The following CACNG4 variants were observed in gnomAD, a reference collection of about 807,000 sequenced individuals.
CACNG4 encodes calcium voltage-gated channel auxiliary subunit gamma 4, also known as voltage-dependent calcium channel gamma-4 subunit.
In CACNG4, 8 loss-of-function variants were observed where a neutral mutation model predicts 22.9. That is an observed-to-expected ratio of 0.35 (90% confidence interval 0.21 to 0.63). CACNG4 has a LOEUF of 0.63. Among genes scored for constraint, CACNG4 ranks in the 30% least tolerant of loss-of-function variants. The probability of loss-of-function intolerance (pLI) is 0.72; values close to 1 mark genes in which losing one functional copy is unlikely to be tolerated. For missense variants in CACNG4, 357 were observed against 455.4 expected (o/e 0.78, Z 1.97); for synonymous variants, 188 against 191.9 (o/e 0.98, Z 0.17).
rs192146598 is a variant in CACNG4 at position 66,988,760 on chromosome 17, G to A, written c.220+23629G>A. On this transcript the variant is annotated intron_variant, in intron 1 of 3. Coordinates refer to ENST00000262138, the MANE Select transcript of CACNG4 (RefSeq NM_014405.4). ...TTTCTAGTTCTATCTTACGTAAGGC[G>A]TTGAAAAGGCAAAGGAGGCAGGGCG... 3.7e-4 allele frequency among the ~76,000 whole-genome samples: 57 copies of A among 152,134 alleles called. No homozygotes were observed. The East Asian group carries it at 7.7e-3, about 21-fold the overall frequency.
chr17:66,981,340 T>C (rs1391232151), intron 1 of CACNG4, among the ~76,000 whole-genome samples: 2 of 152,254 alleles, frequency 1.3e-5, no homozygotes, highest in Non-Finnish European at 2.9e-5. Context: ...TGTTCCTTTC[T>C]TCTTGCTCAG....
chr17:67,009,879 T>G (rs1396808871), intron 1 of CACNG4, among the ~76,000 whole-genome samples: 7 of 152,112 alleles, frequency 4.6e-5, no homozygotes, highest in African/African-American at 1.2e-4. Flanking sequence ...GCATATGAAT[T>G]TGGGGGTAGA....
At chr17:66,966,065 A>G (rs1005464914) in intron 1 of CACNG4, among the ~76,000 whole-genome samples, 2 of 152,176 alleles carry the variant, frequency 1.3e-5, no homozygotes, top group African/African-American at 2.4e-5. Context: ...AGTAGGTGTC[A>G]TGAGGCTGGA....
In CACNG4 at chr17:66,984,437, G is replaced by A. The variant is rs2035293843; in HGVS notation, c.220+19306G>A. On this transcript the variant is annotated intron_variant, in intron 1 of 3. Coordinates refer to ENST00000262138, the MANE Select transcript of CACNG4 (RefSeq NM_014405.4). The surrounding 1 kb of genome is among the most constrained non-coding windows in gnomAD (Gnocchi z 4.0). The stretch of plus-strand genomic sequence containing the variant: ...AAGACTCACAGATGGCCTGCCACCA[G>A]CCTGCACCCGCCCCCATTCATCCCC... Among the ~76,000 whole-genome samples, 1 of 152,146 alleles carries A rather than the reference G, an allele frequency of 6.6e-6. No homozygotes were observed.
intron 1 of CACNG4, among the ~76,000 whole-genome samples, chr17:66,986,587 G>A (rs983686345): frequency 6.6e-6 from 1 of 152,190 alleles, no homozygotes; most frequent in Non-Finnish European, 1.5e-5. Flanking sequence ...AGGCGGATAA[G>A]TCCAGCTCCA....
At position 66,989,536 on chromosome 17, in the gene CACNG4, C is replaced by A. The variant is rs555945411; in HGVS notation, c.220+24405C>A. Among the ~76,000 whole-genome samples, 4 of 151,600 alleles carry A rather than the reference C, an allele frequency of 2.6e-5. 1 individual carries two copies. The highest frequency in any genetic ancestry group is 7.3e-5 in the African/African-American group (3 of 40,972). On this transcript the variant is annotated intron_variant, in intron 1 of 3. Transcript: ENST00000262138. ...GATGTTGGACTTCTAGCCCCCAGAA[C>A]CATTCGAGGATAAACTTCTGTTGTT...
At chr17:67,002,669 G>T (rs2035415732) in intron 1 of CACNG4, among the ~76,000 whole-genome samples, 1 of 150,632 alleles carries the variant, frequency 6.6e-6, no homozygotes, top group Non-Finnish European at 1.5e-5. Flanking sequence ...GAATAGGGAG[G>T]CAGGGAATCA....
intron 2 of CACNG4, among the ~76,000 whole-genome samples, chr17:67,024,202 G>A (rs1424159544): frequency 2.0e-5 from 3 of 152,190 alleles, no homozygotes; most frequent in African/African-American, 7.2e-5. Flanking sequence ...CTATCACCTA[G>A]GGGCTGATGA....
chr17:67,030,808 T>G lies in CACNG4; in HGVS notation c.788T>G (p.Leu263Arg). 6.2e-7 allele frequency: 1 copy of G among 1,613,934 alleles called. No homozygotes were observed. Among genetic ancestry groups the G allele is most frequent in the South Asian group, 1.1e-5 (1 of 91,066 alleles). Residue 263 changes from leucine to arginine, a missense_variant, in exon 4 of 4, where the codon CTG becomes CGG. By Grantham distance (102) the Leu-to-Arg change is moderately radical. Coordinates refer to ENST00000262138, the MANE Select transcript of CACNG4 (RefSeq NM_014405.4). The surrounding 1 kb of genome is among the most constrained non-coding windows in gnomAD (Gnocchi z 6.4). Reference protein sequence around the residue: ...SPSRDVSPMGLKITGAIPMGE... With the variant: ...SPSRDVSPMGRKITGAIPMGE... ...TCCAGGGACGTGTCGCCCATGGGCCTGAAGATCACAGGGGCCATCCCCATG... is the reference window on the plus strand; with the variant it reads ...TCCAGGGACGTGTCGCCCATGGGCCGGAAGATCACAGGGGCCATCCCCATG...
Position 67,030,454 on chromosome 17 carries a change from C to A in CACNG4, c.446-12C>A, listed in dbSNP as rs1742832302. On this transcript the variant is annotated splice_polypyrimidine_tract_variant and intron_variant, in intron 3 of 3. Coordinates refer to ENST00000262138, the MANE Select transcript of CACNG4 (RefSeq NM_014405.4). The surrounding 1 kb of genome is among the most constrained non-coding windows in gnomAD (Gnocchi z 6.4). The stretch of plus-strand genomic sequence containing the variant: ...CCCTGGCCCCGCTCCCCGCTCCCCG[C>A]TTCCCTTTCAGGCCTCAGTAACATC... The A allele has an allele frequency of 6.2e-7, 1 of 1,611,124 alleles. No homozygotes were observed. The highest frequency in any genetic ancestry group is 1.3e-5 in the African/African-American group (1 of 74,934).
At chr17:66,990,870 C>T (rs138593799) in intron 1 of CACNG4, among the ~76,000 whole-genome samples, 3,846 of 151,624 alleles carry the variant, frequency 0.025, 145 homozygotes, top group African/African-American at 0.089. Flanking sequence ...TTAGTAGAGA[C>T]GGGGTTTCAC....
At chr17:66,997,563 T>A (rs535381899) in intron 1 of CACNG4, among the ~76,000 whole-genome samples, 1 of 152,114 alleles carries the variant, frequency 6.6e-6, no homozygotes. Flanking sequence ...ATACCTATAA[T>A]CCCAGCACTT....
intron 1 of CACNG4, among the ~76,000 whole-genome samples, chr17:66,992,947 C>T (rs768310691): frequency 1.3e-5 from 2 of 152,282 alleles, no homozygotes; most frequent in Admixed American, 6.5e-5. Context: ...TGGGACTTCT[C>T]AGGAAGATCG....
intron 1 of CACNG4, among the ~76,000 whole-genome samples, chr17:66,997,006 G>T (rs1260642214): frequency 6.6e-6 from 1 of 152,130 alleles, no homozygotes; most frequent in Admixed American, 6.5e-5. Context: ...CGGAGCTCAG[G>T]GTTATTGGAG....
chr17:66,966,208 A>G (rs2035170244), intron 1 of CACNG4, among the ~76,000 whole-genome samples: 1 of 152,098 alleles, frequency 6.6e-6, no homozygotes, highest in South Asian at 2.1e-4. Context: ...CGGCTGCGGA[A>G]CTTGAACTAA....
In CACNG4 at chr17:67,031,065, G is replaced by T. The variant is rs2035602790; in HGVS notation, c.*61G>T. 2.6e-6 allele frequency: 4 copies of T among 1,513,590 alleles called. No homozygotes were observed. In the South Asian group the frequency reaches 3.7e-5, roughly 14 times the overall value. The allele number at this position is 1,513,590 out of a possible 1,614,324, so 93.8% of individuals were successfully genotyped here. A position where few individuals can be genotyped will look rare whatever the true frequency, so the allele number is the denominator to read the frequency against. Reference sequence around the variant, plus strand: ...CAGAACGGCTCTTTTTGTCACACAGGATGGCATGTGATCCTCAAGACGACG... The same window carrying T: ...CAGAACGGCTCTTTTTGTCACACAGTATGGCATGTGATCCTCAAGACGACG... On this transcript the variant is annotated 3_prime_UTR_variant, in exon 4 of 4. Coordinates refer to ENST00000262138, the MANE Select transcript of CACNG4 (RefSeq NM_014405.4). This position sits in a 1 kb window ranked among gnomAD's most constrained non-coding sequence, Gnocchi z 4.0.
rs372292942 is a variant in CACNG4, at chr17:67,026,875, C to T, written c.445+1875C>T. ...AACCTCCCTCCTGGACAGGTCCCCCCGCCCTTCCCTTCTTCCCCCCACCTC... is the reference window on the plus strand; with the variant it reads ...AACCTCCCTCCTGGACAGGTCCCCCTGCCCTTCCCTTCTTCCCCCCACCTC... On this transcript the variant is annotated intron_variant, in intron 3 of 3. Coordinates refer to ENST00000262138, the MANE Select transcript of CACNG4 (RefSeq NM_014405.4). 4.6e-5 allele frequency among the ~76,000 whole-genome samples: 7 copies of T among 151,828 alleles called. No homozygotes were observed. In the East Asian group the frequency reaches 9.7e-4, roughly 21 times the overall value.
chr17:67,009,147 T>C (rs769604789), intron 1 of CACNG4, among the ~76,000 whole-genome samples: 1 of 152,146 alleles, frequency 6.6e-6, no homozygotes, highest in African/African-American at 2.4e-5. Context: ...GGCAGAGTCA[T>C]GGAAGAGCTT....
intron 2 of CACNG4, among the ~76,000 whole-genome samples, chr17:67,018,489 G>A (rs1248434322): frequency 1.3e-5 from 2 of 152,210 alleles, no homozygotes; most frequent in Non-Finnish European, 2.9e-5. Context: ...ATTTGGCTGA[G>A]AGGCCTGTAC....
Sources: allele counts gnomAD v4.1 joint callset (sites outside exome capture counted in the v4.1 genomes callset), GRCh38; gene constraint gnomAD v4.1.1; non-coding constraint Gnocchi (gnomAD v3.1); transcripts MANE v1.5; gene names NCBI Gene and HGNC (gene_info 2026-07-23, HGNC 2026-07-21).